QKI: variants seen among roughly 807,000 people sequenced by gnomAD.
QKI encodes the protein QKI, KH domain containing RNA binding.
A neutral mutation model predicts 39.0 loss-of-function variants in QKI; 10 were observed. The ratio of observed to expected loss-of-function variants is 0.26; its 90% CI spans 0.16 to 0.43. The LOEUF (loss-of-function observed/expected upper bound fraction) is 0.43. QKI is among the 20% of genes least tolerant of loss of function. QKI has a pLI of 1.00. For synonymous variants in QKI, 204 were observed against 155.4 expected (o/e 1.31, Z -2.33); for missense variants, 218 against 428.0 (o/e 0.51, Z 4.33).
At chr6:163,520,317 A>G (rs1348613064) in intron 3 of QKI, among the ~76,000 whole-genome samples, 1 of 152,104 alleles carries the variant, frequency 6.6e-6, no homozygotes, top group Non-Finnish European at 1.5e-5. Flanking sequence ...TAACAAACTC[A>G]TCATTATAAC....
At chr6:163,531,903 G>C (rs1191359933) in intron 3 of QKI, among the ~76,000 whole-genome samples, 3 of 152,158 alleles carry the variant, frequency 2.0e-5, no homozygotes, top group African/African-American at 7.2e-5. Context: ...GAAAATTTTT[G>C]CTCCTTCAAT....
At position 163,563,980 on chromosome 6, in the gene QKI, C is replaced by T. The variant is rs1192455629; in HGVS notation, c.934+261C>T. 12 of 1,313,322 alleles carry T rather than the reference C, an allele frequency of 9.1e-6. No individual in the cohort carries two copies. The African/African-American group carries it at 1.2e-4, about 13-fold the overall frequency. 81.4% of individuals were successfully genotyped at this position (1,313,322 alleles called of 1,614,324 possible). A position where few individuals can be genotyped will look rare whatever the true frequency, so the allele number is the denominator to read the frequency against. Reference sequence around the variant, plus strand: ...TCTGTTGTGTACATTTCAACAAATACTTTTACATTTGACATTACTGAGGTC... The same window carrying T: ...TCTGTTGTGTACATTTCAACAAATATTTTTACATTTGACATTACTGAGGTC... On this transcript the variant is annotated intron_variant, in intron 6 of 7. Transcript: ENST00000361752.
chr6:163,468,739 T>G (rs1333706088), intron 2 of QKI, among the ~76,000 whole-genome samples: 1 of 152,198 alleles, frequency 6.6e-6, no homozygotes, highest in Non-Finnish European at 1.5e-5. Context: ...AAAGTTGCAC[T>G]TAGCTCAGGC....
At chr6:163,429,725 G>A (rs1329380005) in intron 1 of QKI, among the ~76,000 whole-genome samples, 1 of 152,058 alleles carries the variant, frequency 6.6e-6, no homozygotes, top group Non-Finnish European at 1.5e-5. Context: ...CGTGATTTTC[G>A]AATAATGTCA....
chr6:163,485,376 A>G (rs1230659333), intron 3 of QKI, among the ~76,000 whole-genome samples: 3 of 152,214 alleles, frequency 2.0e-5, no homozygotes, highest in Non-Finnish European at 4.4e-5. Flanking sequence ...AGCTGGTTCT[A>G]ATGTAGCAAA....
chr6:163,498,307 A>G (rs1179565639), intron 3 of QKI, among the ~76,000 whole-genome samples: 2 of 152,062 alleles, frequency 1.3e-5, no homozygotes, highest in Non-Finnish European at 2.9e-5. Context: ...AGTGTTAAAG[A>G]AAGTTTTATT....
chr6:163,552,167 T>C (rs1243980296), intron 4 of QKI, among the ~76,000 whole-genome samples: 1 of 151,198 alleles, frequency 6.6e-6, no homozygotes, highest in African/African-American at 2.4e-5. Flanking sequence ...ATATATTTGC[T>C]ATTGAAGCAG....
intron 4 of QKI, among the ~76,000 whole-genome samples, chr6:163,549,654 G>A (rs756008706): frequency 2.2e-4 from 33 of 152,224 alleles, no homozygotes; most frequent in Admixed American, 3.3e-4. Flanking sequence ...GGAGGTTGCA[G>A]TGAGCCGAGA....
chr6:163,556,804 A>G (rs1453772876), intron 4 of QKI, among the ~76,000 whole-genome samples: 2 of 152,154 alleles, frequency 1.3e-5, no homozygotes, highest in African/African-American at 4.8e-5. Context: ...GAAATTCTCA[A>G]GGCACTTCCC....
At chr6:163,500,855 T>C (rs1778712446) in intron 3 of QKI, among the ~76,000 whole-genome samples, 1 of 152,142 alleles carries the variant, frequency 6.6e-6, no homozygotes, top group South Asian at 2.1e-4. Context: ...AAGACTTTGG[T>C]GGCCATATTA....
At chr6:163,517,535 A>G (rs1054566140) in intron 3 of QKI, among the ~76,000 whole-genome samples, 2 of 152,164 alleles carry the variant, frequency 1.3e-5, no homozygotes, top group Non-Finnish European at 2.9e-5. Flanking sequence ...CTCCTGCCTC[A>G]GCCTCCAAAG....
Position 163,571,007 on chromosome 6 carries a change from C to A in QKI, c.*297C>A. 3.9e-6 allele frequency: 1 copy of A among 258,548 alleles called. No individual in the cohort carries two copies. 16.0% of individuals were successfully genotyped at this position (258,548 alleles called of 1,614,324 possible). A position where few individuals can be genotyped will look rare whatever the true frequency, so the allele number is the denominator to read the frequency against. On this transcript the variant is annotated 3_prime_UTR_variant, in exon 8 of 8. Coordinates refer to ENST00000361752, the MANE Select transcript of QKI (RefSeq NM_006775.3). ...ACAGCACTGATCATCTTTTAATATC[C>A]CACCCTAAGCGAACGGTAAGAAGGC...
intron 1 of QKI, among the ~76,000 whole-genome samples, chr6:163,433,672 T>C (rs2484877): frequency 0.34 from 51,767 of 151,622 alleles, 9,496 homozygotes; most frequent in African/African-American, 0.45. Context: ...GAGGCTGAGG[T>C]GGGAGAATCG....
At chr6:163,448,651 C>A (rs146988815) in intron 1 of QKI, among the ~76,000 whole-genome samples, 5,873 of 152,126 alleles carry the variant, frequency 0.039, 390 homozygotes, top group African/African-American at 0.13. Flanking sequence ...GCAGGAGAAT[C>A]GCTTGAACCC....
intron 4 of QKI, among the ~76,000 whole-genome samples, chr6:163,550,835 A>G (rs757108721): frequency 2.0e-5 from 3 of 151,712 alleles, no homozygotes; most frequent in Non-Finnish European, 4.4e-5. Context: ...AGTCCCAGCT[A>G]CTCAGAGAGG....
In QKI at chr6:163,572,669, G is replaced by GCCCCCCC. The variant is rs1246207758; in HGVS notation, c.*1959_*1960insCCCCCCC. 2 of 17,270 alleles carry GCCCCCCC rather than the reference G, an allele frequency of 1.2e-4. No homozygotes were observed. Among genetic ancestry groups the GCCCCCCC allele is most frequent in the African/African-American group, 7.6e-4 (2 of 2,640 alleles). 1.1% of individuals were successfully genotyped at this position (17,270 alleles called of 1,614,324 possible). Reference sequence around the variant, plus strand: ...ACGTGGCAAATCTCAAGTGACAGTGGACCCCCCCCCCCGCCCAGCTTATCA... The same window carrying GCCCCCCC: ...ACGTGGCAAATCTCAAGTGACAGTGGCCCCCCCACCCCCCCCCCCGCCCAGCTTATCA... On this transcript the variant is annotated 3_prime_UTR_variant, in exon 8 of 8. Coordinates refer to ENST00000361752, the MANE Select transcript of QKI (RefSeq NM_006775.3).
chr6:163,528,412 A>G (rs1299317059), intron 3 of QKI, among the ~76,000 whole-genome samples: 2 of 152,124 alleles, frequency 1.3e-5, no homozygotes, highest in East Asian at 3.8e-4. Context: ...TTAGTTGTTG[A>G]GGGTGCATGC....
chr6:163,432,390 TCCC>T, intron 1 of QKI, among the ~76,000 whole-genome samples: 1 of 144,002 alleles, frequency 6.9e-6, no homozygotes, highest in African/African-American at 2.7e-5. Context: ...TAATTTAAAA[TCCC>T]CCCCCTTTTT....
At chr6:163,500,348 T>A (rs1434743950) in intron 3 of QKI, among the ~76,000 whole-genome samples, 1 of 152,098 alleles carries the variant, frequency 6.6e-6, no homozygotes, top group Non-Finnish European at 1.5e-5. Context: ...GCTGTTGCAG[T>A]TGTTGAGGCA....
Sources: gnomAD v4.1 joint callset for allele counts (sites outside exome capture counted in the v4.1 genomes callset) on GRCh38, gnomAD v4.1.1 for gene constraint, MANE v1.5 for transcripts, NCBI Gene and HGNC (gene_info 2026-07-23, HGNC 2026-07-21) for gene names.